The following KIF6 variants were observed in gnomAD, a reference collection of about 807,000 sequenced individuals.
KIF6 encodes the protein kinesin-like protein KIF6.
A neutral mutation model predicts 112.7 loss-of-function variants in KIF6; 106 were observed. The ratio of observed to expected loss-of-function variants is 0.94; its 90% CI spans 0.80 to 1.11. The LOEUF (loss-of-function observed/expected upper bound fraction) is 1.11, where lower values mean the gene tolerates loss of function less well. Ranked by LOEUF, KIF6 falls within the 50% of genes least tolerant of loss-of-function variation. KIF6 has a pLI of 0.00. For synonymous variants in KIF6, 339 were observed against 339.9 expected, an observed-to-expected ratio of 1.00 and a Z score of 0.03; for missense variants, 929 against 964.0, an observed-to-expected ratio of 0.96 and a Z score of 0.48.
chr6:39,663,026 T>C (rs1168094212), intron 3 of KIF6, among the ~76,000 whole-genome samples: 1 of 152,072 alleles, frequency 6.6e-6, no homozygotes, highest in East Asian at 1.9e-4. Flanking sequence ...TCCTAGTAGC[T>C]GGGACTACAG....
chr6:39,538,833 A>G lies in KIF6; in HGVS notation c.1645+1170T>C, dbSNP rs62403279. ...GAACCAACCCAAATGTCCAACAATG[A>G]TAGACTGGATTAAGAAAATGTGGCA... On this transcript the variant is annotated intron_variant, in intron 13 of 22. Transcript: ENST00000287152. 3.9e-3 allele frequency among the ~76,000 whole-genome samples: 588 copies of G among 149,250 alleles called. 4 individuals are homozygous for G. Among genetic ancestry groups the G allele is most frequent in the Non-Finnish European group, 6.3e-3 (428 of 67,688 alleles).
chr6:39,350,978 T>C (rs940496140), intron 19 of KIF6, among the ~76,000 whole-genome samples: 8 of 152,000 alleles, frequency 5.3e-5, no homozygotes, highest in Non-Finnish European at 2.9e-5. Flanking sequence ...TCCAACCAGC[T>C]CGCCGGCAGC....
intron 21 of KIF6, among the ~76,000 whole-genome samples, chr6:39,345,457 A>G (rs567819308): frequency 2.6e-5 from 4 of 152,230 alleles, no homozygotes; most frequent in African/African-American, 9.6e-5. Flanking sequence ...TATTCACAAG[A>G]AGATATGAAA....
rs182963424 is a variant in KIF6 at position 39,679,859 on chromosome 6, C to T, written c.251+34833G>A. Among the ~76,000 whole-genome samples the T allele has an allele frequency of 1.8e-3, 279 of 151,834 alleles. 1 individual carries two copies. Among genetic ancestry groups the T allele is most frequent in the African/African-American group, 6.5e-3 (269 of 41,402 alleles). On this transcript the variant is annotated intron_variant, in intron 3 of 22. Coordinates refer to ENST00000287152, the MANE Select transcript of KIF6 (RefSeq NM_145027.6). ...GTCTCAATCTCCTGACCTCGTGATC[C>T]GCCCACCTCAGCCTCCCAAAGTGCT...
chr6:39,613,725 A>T (rs896052755), intron 5 of KIF6, among the ~76,000 whole-genome samples: 4 of 152,184 alleles, frequency 2.6e-5, no homozygotes, highest in African/African-American at 9.7e-5. Context: ...GTTCAATTTC[A>T]TATCACTTTC....
chr6:39,624,843 ATGGT>A (rs1229768168), intron 5 of KIF6, among the ~76,000 whole-genome samples: 2 of 133,550 alleles, frequency 1.5e-5, no homozygotes, highest in Non-Finnish European at 3.0e-5. Context: ...TTATTAGGCA[ATGGT>A]TGGTGAAAGC....
At chr6:39,440,322 G>GT (rs1771839682) in intron 13 of KIF6, among the ~76,000 whole-genome samples, 1 of 152,146 alleles carries the variant, frequency 6.6e-6, no homozygotes, top group South Asian at 2.1e-4. Context: ...TAAATTGAAG[G>GT]TAAGGGAACA....
In KIF6 at chr6:39,343,575, C is replaced by G. The variant is rs746724; in HGVS notation, c.2428+134G>C. 0.14 allele frequency: 164,336 copies of G among 1,209,486 alleles called. 14,740 individuals are homozygous for G. Among genetic ancestry groups the G allele is most frequent in the African/African-American group, 0.42 (27,430 of 65,836 alleles). 74.9% of individuals were successfully genotyped at this position (1,209,486 alleles called of 1,614,324 possible). A position where few individuals can be genotyped will look rare whatever the true frequency, so the allele number is the denominator to read the frequency against. On this transcript the variant is annotated intron_variant, in intron 22 of 22. Transcript: ENST00000287152. This position sits in a 1 kb window ranked among gnomAD's most constrained non-coding sequence, Gnocchi z 4.1. ...GGAATCAGAGGCTGGGCACATGTGA[C>G]TGACAGGCAGGCCAGTCCTGTGGCT...
At position 39,357,348 on chromosome 6, in the gene KIF6, G is replaced by T. The variant is rs763515741; in HGVS notation, c.2109C>A (p.Leu703=). The change falls in exon 19 of 23, where the codon CTC becomes CTA. Residue 703 remains leucine (L), a synonymous_variant. Transcript: ENST00000287152. ...LQVNSPAVNS[L]DHTKPFLQTS... is the part of the protein sequence containing the mutation. ...TCTGGAGAAATGGCTTCGTGTGATC[G>T]AGTGAATTCACTGCTGGAGAATTTA... is the stretch of plus-strand genomic sequence containing the variant. The T allele has an allele frequency of 1.2e-6, 2 of 1,613,740 alleles. No individual in the cohort carries two copies. Among genetic ancestry groups the T allele is most frequent in the East Asian group, 2.2e-5 (1 of 44,882 alleles).
Position 39,473,717 on chromosome 6 carries a change from C to T in KIF6, c.1646-42556G>A, listed in dbSNP as rs558963182. ...TTTATCTGAAAAACTTCATTTCCTA[C>T]CACAACAGGATAAATGATTCTACTT... On this transcript the variant is annotated intron_variant, in intron 13 of 22. Coordinates refer to ENST00000287152, the MANE Select transcript of KIF6 (RefSeq NM_145027.6). 1.2e-4 allele frequency among the ~76,000 whole-genome samples: 19 copies of T among 152,224 alleles called. No individual in the cohort carries two copies. In the South Asian group the frequency reaches 3.9e-3, roughly 32 times the overall value.
In KIF6 at chr6:39,337,155, T is replaced by TTTTCCTTCCTTCCTTTCTTTC. The variant is rs1554195029; in HGVS notation, c.2429-608_2429-607insGAAAGAAAGGAAGGAAGGAAA. Among the ~76,000 whole-genome samples the TTTTCCTTCCTTCCTTTCTTTC allele has an allele frequency of 3.4e-3, 184 of 53,696 alleles. 17 individuals are homozygous for TTTTCCTTCCTTCCTTTCTTTC. The highest frequency in any genetic ancestry group is 9.5e-3 in the East Asian group (20 of 2,110). 35.2% of individuals were successfully genotyped at this position (53,696 alleles called of 152,430 possible). ...TCCTTCCTTCCTTCCTTTCTCTTTC[T>TTTTCCTTCCTTCCTTTCTTTC]TTTCTTTCTTTCCTTCCTTCTTTCT... On this transcript the variant is annotated intron_variant, in intron 22 of 22. Coordinates refer to ENST00000287152, the MANE Select transcript of KIF6 (RefSeq NM_145027.6).
intron 7 of KIF6, among the ~76,000 whole-genome samples, chr6:39,588,423 C>G (rs1171488113): frequency 6.6e-6 from 1 of 152,092 alleles, no homozygotes; most frequent in Non-Finnish European, 1.5e-5. Flanking sequence ...CTATGTTGGC[C>G]AGGCTGGTCT....
chr6:39,575,391 C>A (rs1396446860), intron 10 of KIF6, among the ~76,000 whole-genome samples: 1 of 152,040 alleles, frequency 6.6e-6, no homozygotes, highest in Non-Finnish European at 1.5e-5. Flanking sequence ...CTGTCTCAGC[C>A]TCCCGAGTAG....
At chr6:39,573,861 G>T (rs1372016167) in intron 10 of KIF6, among the ~76,000 whole-genome samples, 1 of 152,144 alleles carries the variant, frequency 6.6e-6, no homozygotes, top group Non-Finnish European at 1.5e-5. Context: ...TTTCTTGAGA[G>T]CAGGATCTAG....
At chr6:39,416,963 G>T (rs9471097) in intron 15 of KIF6, among the ~76,000 whole-genome samples, 114,937 of 151,932 alleles carry the variant, frequency 0.76, 44,383 homozygotes, top group South Asian at 0.89. Flanking sequence ...TGGAGCTGAG[G>T]CACCATCCCG....
chr6:39,647,211 G>A (rs1053510958), intron 3 of KIF6, among the ~76,000 whole-genome samples: 6 of 152,124 alleles, frequency 3.9e-5, no homozygotes, highest in Non-Finnish European at 7.4e-5. Flanking sequence ...TTTTGATCAC[G>A]GGGCATTTCC....
At chr6:39,712,169 G>T (rs1437173247) in intron 3 of KIF6, among the ~76,000 whole-genome samples, 1 of 152,090 alleles carries the variant, frequency 6.6e-6, no homozygotes, top group African/African-American at 2.4e-5. Flanking sequence ...ACTAATTAAA[G>T]ATCAAGAACT....
rs1035002099 is a variant in KIF6, at chr6:39,342,885, G to A, written c.2428+824C>T. ...GCTGGTGGAGAAGCTGAGTGCAGGC[G>A]CCACAGGGCAGGCATCAGTCATTAT... On this transcript the variant is annotated intron_variant, in intron 22 of 22. Transcript: ENST00000287152. The surrounding 1 kb of genome is among the most constrained non-coding windows in gnomAD (Gnocchi z 4.7). 19 of 985,366 alleles carry A rather than the reference G, an allele frequency of 1.9e-5. No individual in the cohort carries two copies. Among genetic ancestry groups the A allele is most frequent in the Non-Finnish European group, 2.2e-5 (18 of 829,902 alleles). The allele number at this position is 985,366 out of a possible 1,614,324, so 61.0% of individuals were successfully genotyped here.
chr6:39,584,916 T>C lies in KIF6; in HGVS notation c.1059A>G (p.Glu353=), dbSNP rs150520804. ...ALIKNEAVLN[E]EINPRLVIKR... ...TGCTTACTAATCTGGGGTTAATTTC[T>C]TCATTAAGAACAGCTTCATTCTTTA... is the stretch of plus-strand genomic sequence containing the variant. The change falls in exon 9 of 23, where the codon GAA becomes GAG. Residue 353 remains glutamate (E), a synonymous_variant. Transcript: ENST00000287152. The C allele has an allele frequency of 8.1e-6, 13 of 1,608,720 alleles. No homozygotes were observed. The highest frequency in any genetic ancestry group is 1.7e-4 in the Middle Eastern group (1 of 5,932).
Sources: gnomAD v4.1 joint callset for allele counts (sites outside exome capture counted in the v4.1 genomes callset) on GRCh38, gnomAD v4.1.1 for gene constraint, Gnocchi (gnomAD v3.1) non-coding constraint, MANE v1.5 for transcripts, NCBI Gene and HGNC (gene_info 2026-07-23, HGNC 2026-07-21) for gene names.